Variants in EHD1 observed in about 807,000 individuals in gnomAD.
EHD1 encodes EH domain-containing protein 1.
A neutral mutation model predicts 39.0 loss-of-function variants in EHD1; 19 were observed. That is an observed-to-expected ratio of 0.49 (90% confidence interval 0.34 to 0.72). The LOEUF (loss-of-function observed/expected upper bound fraction) is 0.72. Ranked by LOEUF, EHD1 falls within the 30% of genes least tolerant of loss-of-function variation. The pLI is 0.01. For missense variants in EHD1, 542 were observed against 751.5 expected, an observed-to-expected ratio of 0.72 and a Z score of 3.26; for synonymous variants, 323 against 331.2, an observed-to-expected ratio of 0.98 and a Z score of 0.27.
chr11:64,877,907 G>A, intron 1 of EHD1, 154 bp downstream of exon 1: 5 of 747,696 alleles, frequency 6.7e-6, no homozygotes, highest in Non-Finnish European at 9.8e-6. Flanking sequence ...CTCTGGGAAG[G>A]GGCAGGGCCC....
Position 64,873,487 on chromosome 11 carries a change from C to T in EHD1, c.502+934G>A, listed in dbSNP as rs183060445. Among the ~76,000 whole-genome samples the T allele has an allele frequency of 2.2e-3, 339 of 152,278 alleles. 5 individuals carry two copies. Among genetic ancestry groups the T allele is most frequent in the Middle Eastern group, 0.017 (5 of 294 alleles). The stretch of plus-strand genomic sequence containing the variant: ...TGCACCCTCACAGCATGGCCCGATT[C>T]TGATCCTGTTGTTTCCAGCATGCCC... On this transcript the variant is annotated intron_variant, in intron 2 of 4. Coordinates refer to ENST00000320631, the MANE Select transcript of EHD1 (RefSeq NM_006795.4).
chr11:64,874,389 C>T, intron 2 of EHD1, 32 bp downstream of exon 2: 1 of 1,563,280 alleles, frequency 6.4e-7, no homozygotes, highest in East Asian at 2.3e-5. Context: ...GTGACAACAC[C>T]AGCAGCCCGA....
chr11:64,878,579 C>T lies in EHD1; in HGVS notation c.-115G>A, dbSNP rs1423325438. The T allele has an allele frequency of 1.0e-5, 15 of 1,444,870 alleles. No individual in the cohort carries two copies. The East Asian group carries it at 3.8e-4, about 36-fold the overall frequency. 89.5% of individuals were successfully genotyped at this position (1,444,870 alleles called of 1,614,324 possible). A position where few individuals can be genotyped will look rare whatever the true frequency, so the allele number is the denominator to read the frequency against. ...AGGGAATCGGGAGCGACCCACACTG[C>T]GCAGGCGCACAGCCCAGCCCGTCGA... is the stretch of plus-strand genomic sequence containing the variant. On this transcript the variant is annotated 5_prime_UTR_variant, in exon 1 of 5. Transcript: ENST00000320631.
At chr11:64,879,640 T>A (rs1281669827), upstream of EHD1, 1 of 1,550,522 alleles carries the variant, frequency 6.4e-7, no homozygotes, top group African/African-American at 1.4e-5. Flanking sequence ...TGGGGCTCAC[T>A]CCCCCGCCAT....
chr11:64,876,752 T>C (rs533402642), intron 1 of EHD1, among the ~76,000 whole-genome samples: 4 of 152,308 alleles, frequency 2.6e-5, no homozygotes, highest in African/African-American at 9.6e-5. Context: ...GTGCCATGTC[T>C]CTCCTTTCAA....
chr11:64,879,476 G>A (rs964834441), upstream of EHD1: 3 of 1,347,026 alleles, frequency 2.2e-6, no homozygotes, highest in Middle Eastern at 1.8e-4. Context: ...GTGGGGAAGA[G>A]GGGAAGTGTG....
At chr11:64,864,416 A>G (rs1943746687) in intron 2 of EHD1, among the ~76,000 whole-genome samples, 1 of 152,246 alleles carries the variant, frequency 6.6e-6, no homozygotes, top group African/African-American at 2.4e-5. Context: ...TCTGAGCTCC[A>G]CAGGAGAGGA....
Position 64,854,787 on chromosome 11 carries a change from T to A in EHD1, c.1151A>T (p.Asp384Val). 6.2e-7 allele frequency: 1 copy of A among 1,605,366 alleles called. No individual in the cohort carries two copies. The highest frequency in any genetic ancestry group is 1.3e-5 in the African/African-American group (1 of 75,028). Residue 384 changes from aspartate (D) to valine (V), a missense_variant, in exon 5 of 5, where the codon GAC becomes GTC. By Grantham distance (152) the Asp-to-Val change is radical. Transcript: ENST00000320631. ...CCGCGCGATGTCGTTGGCCAGCATG[T>A]CATCCACCGTGTCCAGCAGCTTGGG... ...LKPKLLDTVDDMLANDIARLM... is the reference protein window; with the variant it reads ...LKPKLLDTVDVMLANDIARLM...
Position 64,852,929 on chromosome 11 carries a change from A to C in EHD1, c.*1404T>G, listed in dbSNP as rs948510085. 6.6e-6 allele frequency: 1 copy of C among 152,368 alleles called. No homozygotes were observed. Among genetic ancestry groups the C allele is most frequent in the Admixed American group, 6.5e-5 (1 of 15,286 alleles). The allele number at this position is 152,368 out of a possible 1,614,324, so 9.4% of individuals were successfully genotyped here. Reference sequence around the variant, plus strand: ...GCAGACTCCGAGCAGCGCTGGGGAGAAGCTCCCTGAGACCCCCGCGGGAAA... The same window carrying C: ...GCAGACTCCGAGCAGCGCTGGGGAGCAGCTCCCTGAGACCCCCGCGGGAAA... On this transcript the variant is annotated 3_prime_UTR_variant, in exon 5 of 5. Coordinates refer to ENST00000320631, the MANE Select transcript of EHD1 (RefSeq NM_006795.4).
chr11:64,869,013 A>G (rs1283613467), intron 2 of EHD1, among the ~76,000 whole-genome samples: 1 of 152,196 alleles, frequency 6.6e-6, no homozygotes, highest in African/African-American at 2.4e-5. Flanking sequence ...AGCCTGGCAC[A>G]CTGCGAGCAG....
Position 64,859,904 on chromosome 11 carries a change from C to A in EHD1, c.915+20G>T, listed in dbSNP as rs769041691. Reference sequence around the variant, plus strand: ...TGGCCCTGCCTGGCAATAGGCTGCTCCCCTCACCCCAGGGTCTACCTTGGC... The same window carrying A: ...TGGCCCTGCCTGGCAATAGGCTGCTACCCTCACCCCAGGGTCTACCTTGGC... On this transcript the variant is annotated intron_variant, in intron 3 of 4. Coordinates refer to ENST00000320631, the MANE Select transcript of EHD1 (RefSeq NM_006795.4). The A allele has an allele frequency of 5.0e-6, 8 of 1,596,492 alleles. No individual in the cohort carries two copies. The East Asian group carries it at 1.8e-4, about 36-fold the overall frequency.
chr11:64,877,145 T>C (rs1162438654), intron 1 of EHD1, among the ~76,000 whole-genome samples: 2 of 152,204 alleles, frequency 1.3e-5, no homozygotes, highest in Non-Finnish European at 2.9e-5. Context: ...TGTGAAGTAC[T>C]TTGGTATGTC....
In EHD1 at chr11:64,855,499, G is replaced by A; in HGVS notation, c.916-13C>T. The A allele has an allele frequency of 1.2e-6, 2 of 1,613,432 alleles. No individual in the cohort carries two copies. The highest frequency in any genetic ancestry group is 1.1e-5 in the South Asian group (1 of 91,056). On this transcript the variant is annotated splice_polypyrimidine_tract_variant and intron_variant, in intron 3 of 4. Coordinates refer to ENST00000320631, the MANE Select transcript of EHD1 (RefSeq NM_006795.4). Reference sequence around the variant, plus strand: ...TGTAGGCGTGAACCTGTGAGGACGGGGTGAGCATCAGGCGCTCTCTTGGCC... The same window carrying A: ...TGTAGGCGTGAACCTGTGAGGACGGAGTGAGCATCAGGCGCTCTCTTGGCC...
chr11:64,857,670 C>G (rs1048794572), intron 3 of EHD1, among the ~76,000 whole-genome samples: 1 of 152,194 alleles, frequency 6.6e-6, no homozygotes, highest in African/African-American at 2.4e-5. Context: ...CACATGCCCT[C>G]TGACTGGCCT....
chr11:64,867,141 G>A (rs963562476), intron 2 of EHD1, among the ~76,000 whole-genome samples: 11 of 152,170 alleles, frequency 7.2e-5, no homozygotes, highest in African/African-American at 4.8e-5. Flanking sequence ...AAATGAGGCC[G>A]GGCGCAGTGG....
intron 2 of EHD1, among the ~76,000 whole-genome samples, chr11:64,860,977 G>A (rs371511889): frequency 6.7e-4 from 95 of 141,956 alleles, no homozygotes; most frequent in African/African-American, 2.3e-3. Flanking sequence ...CTGAGATTGC[G>A]CCACTGCACT....
chr11:64,866,578 C>T (rs1943769124), intron 2 of EHD1, among the ~76,000 whole-genome samples: 1 of 151,760 alleles, frequency 6.6e-6, no homozygotes, highest in South Asian at 2.1e-4. Context: ...ACTTGGGACA[C>T]TGAGGTAAGA....
At chr11:64,878,857 G>A, upstream of EHD1, 1 of 1,096,792 alleles carries the variant, frequency 9.1e-7, no homozygotes, top group South Asian at 3.4e-5. Context: ...GCCCCTCGTA[G>A]GGAGGCTCGC....
intron 2 of EHD1, among the ~76,000 whole-genome samples, chr11:64,870,566 C>G (rs747562160): frequency 6.6e-6 from 1 of 152,242 alleles, no homozygotes; most frequent in Non-Finnish European, 1.5e-5. Context: ...AAACACTACC[C>G]TGCTGATGCT....
Sources: allele counts gnomAD v4.1 joint callset (sites outside exome capture counted in the v4.1 genomes callset), GRCh38; gene constraint gnomAD v4.1.1; transcripts MANE v1.5; gene names NCBI Gene and HGNC (gene_info 2026-07-23, HGNC 2026-07-21).